SHC2: variants seen among roughly 807,000 people sequenced by gnomAD.
SHC2 encodes the protein SHC adaptor protein 2.
In SHC2, 62 loss-of-function variants were observed where a neutral mutation model predicts 60.6. That is an observed-to-expected ratio of 1.02 (90% CI 0.83 to 1.26). The LOEUF (loss-of-function observed/expected upper bound fraction) is 1.26, where lower values mean the gene tolerates loss of function less well. Ranked by LOEUF, SHC2 falls within the 50% of genes most tolerant of loss-of-function variation. SHC2 has a pLI of 0.00. For synonymous variants in SHC2, 375 were observed against 372.4 expected (o/e 1.01, Z -0.08); for missense variants, 873 against 822.2 (o/e 1.06, Z -0.76).
At chr19:434,937 C>T (rs938534162) in intron 7 of SHC2, 72 bp from the exon 8 acceptor site, 470 of 1,474,548 alleles carry the variant, frequency 3.2e-4, no homozygotes, top group Non-Finnish European at 4.1e-4. Context: ...GCTTGAGCTT[C>T]TGGGGGAGCA....
intron 1 of SHC2, among the ~76,000 whole-genome samples, chr19:459,327 AGCGT>A (rs1975477693): frequency 1.6e-5 from 2 of 127,744 alleles, no homozygotes; most frequent in African/African-American, 6.8e-5. Context: ...CACTGAACCC[AGCGT>A]AGGGGGAAGG....
chr19:448,609 A>G (rs991484923), intron 1 of SHC2, among the ~76,000 whole-genome samples: 1 of 152,164 alleles, frequency 6.6e-6, no homozygotes, highest in African/African-American at 2.4e-5. Context: ...GCCCCAGGAC[A>G]CTAGGTGATC....
Position 446,376 on chromosome 19 carries a change from T to C in SHC2, c.469-5444A>G, listed in dbSNP as rs1468978486. On this transcript the variant is annotated intron_variant, in intron 1 of 12. Coordinates refer to ENST00000264554, the MANE Select transcript of SHC2 (RefSeq NM_012435.3). The surrounding 1 kb of genome is among the most constrained non-coding windows in gnomAD (Gnocchi z 5.4). ...GCCAGGCTGGAGTGCGGTGGTGCGA[T>C]CACGACTCACTGCAACTTCCGCCTC... 6.6e-6 allele frequency among the ~76,000 whole-genome samples: 1 copy of C among 152,134 alleles called. No homozygotes were observed. Among genetic ancestry groups the C allele is most frequent in the Non-Finnish European group, 1.5e-5 (1 of 68,022 alleles).
rs1408989438 is a variant in SHC2 at position 445,363 on chromosome 19, C to A, written c.469-4431G>T. On this transcript the variant is annotated intron_variant, in intron 1 of 12. Transcript: ENST00000264554. The surrounding 1 kb of genome is among the most constrained non-coding windows in gnomAD (Gnocchi z 4.4). Reference sequence around the variant, plus strand: ...TGAGGACACAGGAGAACACGGCCCTCTGTAAAGAGGCCCTCGCCAGACACT... The same window carrying A: ...TGAGGACACAGGAGAACACGGCCCTATGTAAAGAGGCCCTCGCCAGACACT... Among the ~76,000 whole-genome samples, 1 of 152,232 alleles carries A rather than the reference C, an allele frequency of 6.6e-6. No homozygotes were observed. The highest frequency in any genetic ancestry group is 2.4e-5 in the African/African-American group (1 of 41,460).
chr19:447,560 C>T (rs779750107), intron 1 of SHC2, among the ~76,000 whole-genome samples: 1 of 152,236 alleles, frequency 6.6e-6, no homozygotes, highest in Admixed American at 6.5e-5. Context: ...GGGCGGCTCA[C>T]CTGAGGTCAG....
intron 1 of SHC2, among the ~76,000 whole-genome samples, chr19:449,856 T>A (rs1975136733): frequency 6.6e-6 from 1 of 152,242 alleles, no homozygotes. Context: ...GGGAACTCTT[T>A]GTACTAGTCT....
Position 440,373 on chromosome 19 carries a change from GT to G in SHC2, c.539+488del, listed in dbSNP as rs1294994461. Reference sequence around the variant, plus strand: ...ACGCACGTGTAAACTGTCTCACATGGTTTTTTTAAGTCTATACGAATGGAAT... The same window carrying G: ...ACGCACGTGTAAACTGTCTCACATGGTTTTTTAAGTCTATACGAATGGAAT... On this transcript the variant is annotated intron_variant, in intron 2 of 12. Transcript: ENST00000264554. The surrounding 1 kb of genome is among the most constrained non-coding windows in gnomAD (Gnocchi z 7.0). 6.6e-6 allele frequency among the ~76,000 whole-genome samples: 1 copy of G among 152,124 alleles called. No individual in the cohort carries two copies. Among genetic ancestry groups the G allele is most frequent in the Non-Finnish European group, 1.5e-5 (1 of 68,016 alleles).
At chr19:429,593 C>T (rs12977768) in intron 9 of SHC2, among the ~76,000 whole-genome samples, 19 of 137,182 alleles carry the variant, frequency 1.4e-4, no homozygotes, top group South Asian at 7.1e-4. Flanking sequence ...AGTACCTATA[C>T]CCAACATGCA....
intron 11 of SHC2, among the ~76,000 whole-genome samples, chr19:421,735 G>A (rs1361967664): frequency 3.9e-5 from 6 of 152,168 alleles, no homozygotes; most frequent in Admixed American, 3.9e-4. Context: ...CCTGGGCAAC[G>A]TGGCAAGGCC....
Position 460,614 on chromosome 19 carries a change from T to G in SHC2, c.383A>C (p.Lys128Thr). 7.4e-7 allele frequency: 1 copy of G among 1,346,116 alleles called. No homozygotes were observed. The highest frequency in any genetic ancestry group is 9.6e-7 in the Non-Finnish European group (1 of 1,039,452). The allele number at this position is 1,346,116 out of a possible 1,614,324, so 83.4% of individuals were successfully genotyped here. The change falls in exon 1 of 13, where the codon AAG becomes ACG. Residue 128 changes from lysine to threonine, a missense_variant. Lys to Thr is a moderately conservative substitution (Grantham distance 78, BLOSUM62 -1). Coordinates refer to ENST00000264554, the MANE Select transcript of SHC2 (RefSeq NM_012435.3). ...DAAAAAEWIR[K>T]GSFIHKPAHG... ...CGCGGGTTTGTGGATGAAGCTGCCC[T>G]TCCGGATCCACTCGGCGGCGGCGGC... is the stretch of plus-strand genomic sequence containing the variant.
chr19:441,264 C>T lies in SHC2; in HGVS notation c.469-332G>A, dbSNP rs1419282866. 5.8e-6 allele frequency: 4 copies of T among 695,356 alleles called. No homozygotes were observed. The highest frequency in any genetic ancestry group is 2.0e-5 in the African/African-American group (1 of 49,600). 43.1% of individuals were successfully genotyped at this position (695,356 alleles called of 1,614,324 possible). A position where few individuals can be genotyped will look rare whatever the true frequency, so the allele number is the denominator to read the frequency against. ...TTCCACCAGCACCGAAGCCGAGGAG[C>T]GTGGGGATGGTGCGATCCTGAGCAC... On this transcript the variant is annotated intron_variant, in intron 1 of 12. Transcript: ENST00000264554. This position sits in a 1 kb window ranked among gnomAD's most constrained non-coding sequence, Gnocchi z 4.9.
At chr19:447,196 G>A (rs548886732) in intron 1 of SHC2, among the ~76,000 whole-genome samples, 61 of 152,264 alleles carry the variant, frequency 4.0e-4, no homozygotes, top group Non-Finnish European at 7.2e-4. Flanking sequence ...GCACCGTGAG[G>A]ACGCCGGACA....
chr19:419,274 C>T (rs1421293734), intron 11 of SHC2: 6 of 515,532 alleles, frequency 1.2e-5, no homozygotes, highest in Admixed American at 1.0e-4. Context: ...TCTGGGGCCA[C>T]GCTTCCTGTC....
intron 1 of SHC2, among the ~76,000 whole-genome samples, chr19:450,148 C>T (rs1267559340): frequency 6.6e-6 from 1 of 152,110 alleles, no homozygotes; most frequent in African/African-American, 2.4e-5. Context: ...TGGCCATCAT[C>T]GCGAGGCTGG....
At position 440,801 on chromosome 19, in the gene SHC2, T is replaced by C. The variant is rs1974844776; in HGVS notation, c.539+61A>G. On this transcript the variant is annotated intron_variant, in intron 2 of 12. Transcript: ENST00000264554. The surrounding 1 kb of genome is among the most constrained non-coding windows in gnomAD (Gnocchi z 7.0). ...AGAGCCCATCGCTGCCGCCCTCCAG[T>C]GCTGCCGCCCTCCAGTGCGTCACTC... 6.9e-7 allele frequency: 1 copy of C among 1,443,334 alleles called. No individual in the cohort carries two copies. Among genetic ancestry groups the C allele is most frequent in the South Asian group, 1.1e-5 (1 of 87,774 alleles). The allele number at this position is 1,443,334 out of a possible 1,614,324, so 89.4% of individuals were successfully genotyped here.
At chr19:459,638 C>G (rs1277495753) in intron 1 of SHC2, among the ~76,000 whole-genome samples, 1 of 152,148 alleles carries the variant, frequency 6.6e-6, no homozygotes, top group Non-Finnish European at 1.5e-5. Context: ...AAGGACCCTT[C>G]TCAACTCAGT....
At chr19:429,501 G>A (rs112763436) in intron 9 of SHC2, among the ~76,000 whole-genome samples, 1,568 of 61,018 alleles carry the variant, frequency 0.026, no homozygotes, top group Middle Eastern at 0.075. Flanking sequence ...TATACCCAAC[G>A]TGCACGGAAA....
In SHC2 at chr19:419,314, CGGCCAGGTCCCA is replaced by C. The variant is rs1974220575; in HGVS notation, c.1621-270_1621-259del. 9.1e-6 allele frequency: 4 copies of C among 438,822 alleles called. No homozygotes were observed. The East Asian group carries it at 1.4e-4, about 15-fold the overall frequency. The allele number at this position is 438,822 out of a possible 1,614,324, so 27.2% of individuals were successfully genotyped here. A position where few individuals can be genotyped will look rare whatever the true frequency, so the allele number is the denominator to read the frequency against. On this transcript the variant is annotated intron_variant, in intron 11 of 12. Transcript: ENST00000264554. ...GCTGAAAGGTGACCGCGGGAAGATG[CGGCCAGGTCCCA>C]GCCCTCAGAGCCTGTGAACGTGACC...
At chr19:418,380 T>C (rs1434827628) in intron 12 of SHC2, among the ~76,000 whole-genome samples, 1 of 152,134 alleles carries the variant, frequency 6.6e-6, no homozygotes, top group African/African-American at 2.4e-5. Flanking sequence ...CGGGCACATA[T>C]CCACCCACGG....
Sources: allele counts gnomAD v4.1 joint callset (sites outside exome capture counted in the v4.1 genomes callset), GRCh38; gene constraint gnomAD v4.1.1; non-coding constraint Gnocchi (gnomAD v3.1); transcripts MANE v1.5; gene names NCBI Gene and HGNC (gene_info 2026-07-23, HGNC 2026-07-21).